C8orf34: variants seen among roughly 807,000 people sequenced by gnomAD.
The protein encoded by C8orf34 is chromosome 8 open reading frame 34.
A neutral mutation model predicts 68.3 loss-of-function variants in C8orf34; 65 were observed. The ratio of observed to expected loss-of-function variants is 0.95; its 90% CI spans 0.78 to 1.17. The LOEUF (loss-of-function observed/expected upper bound fraction) is 1.17, where lower values mean the gene tolerates loss of function less well. C8orf34 is among the 50% of genes most tolerant of loss of function. The pLI is 0.00. For synonymous variants in C8orf34, 244 were observed against 241.2 expected (o/e 1.01, Z -0.11); for missense variants, 664 against 655.4 (o/e 1.01, Z -0.14).
chr8:68,710,392 G>C (rs1329199273), intron 9 of C8orf34, among the ~76,000 whole-genome samples: 3 of 152,038 alleles, frequency 2.0e-5, no homozygotes, highest in Admixed American at 1.3e-4. Context: ...GCTGTTGAGG[G>C]GGCACAGTGG....
intron 1 of C8orf34, among the ~76,000 whole-genome samples, chr8:68,412,613 A>C (rs1393764810): frequency 6.6e-6 from 1 of 152,140 alleles, no homozygotes; most frequent in Non-Finnish European, 1.5e-5. Context: ...CAGTTTTTGC[A>C]TACAGGTAGA....
At chr8:68,751,781 G>A (rs1198665933) in intron 10 of C8orf34, among the ~76,000 whole-genome samples, 2 of 151,736 alleles carry the variant, frequency 1.3e-5, no homozygotes, top group Non-Finnish European at 1.5e-5. Flanking sequence ...ATAGACTATA[G>A]GGGTTATAAG....
chr8:68,400,594 T>C (rs981775211), intron 1 of C8orf34, among the ~76,000 whole-genome samples: 1 of 152,190 alleles, frequency 6.6e-6, no homozygotes, highest in Admixed American at 6.6e-5. Context: ...AGAATCTTGC[T>C]CTGTCATCTA....
At chr8:68,671,250 C>CA in intron 8 of C8orf34, among the ~76,000 whole-genome samples, 1 of 152,236 alleles carries the variant, frequency 6.6e-6, no homozygotes, top group African/African-American at 2.4e-5. Flanking sequence ...AATTGCTTTA[C>CA]AAAATCTGTA....
At chr8:68,548,855 C>T (rs535779194) in intron 7 of C8orf34, among the ~76,000 whole-genome samples, 1 of 151,848 alleles carries the variant, frequency 6.6e-6, no homozygotes, top group South Asian at 2.1e-4. Flanking sequence ...CAATTACATA[C>T]TGATACGTGT....
chr8:68,600,089 G>A (rs1179599162), intron 7 of C8orf34, among the ~76,000 whole-genome samples: 1 of 151,990 alleles, frequency 6.6e-6, no homozygotes, highest in Non-Finnish European at 1.5e-5. Context: ...ACAAGTATGT[G>A]GAGTAACTAG....
At chr8:68,387,319 T>C (rs892896960) in intron 1 of C8orf34, among the ~76,000 whole-genome samples, 14 of 152,066 alleles carry the variant, frequency 9.2e-5, no homozygotes, top group Non-Finnish European at 1.6e-4. Flanking sequence ...GTGACTGGGA[T>C]GTGTAAGGTA....
intron 8 of C8orf34, among the ~76,000 whole-genome samples, chr8:68,701,685 G>A (rs1338825975): frequency 6.6e-6 from 1 of 151,948 alleles, no homozygotes; most frequent in African/African-American, 2.4e-5. Flanking sequence ...AATACAGCAG[G>A]TTAAAGCAAA....
At chr8:68,534,504 T>C (rs1034139913) in intron 7 of C8orf34, 1 of 630,470 alleles carries the variant, frequency 1.6e-6, no homozygotes, top group Non-Finnish European at 2.0e-6. Flanking sequence ...CTGCGCTAAT[T>C]GGATGAAGCA....
rs61398342 is a variant in C8orf34, at chr8:68,650,057, GA to G, written c.1241+9556del. On this transcript the variant is annotated intron_variant, in intron 8 of 13. Coordinates refer to ENST00000518698, the MANE Select transcript of C8orf34 (RefSeq NM_052958.4). ...TTCAGAGAAGTCACAGTATATTTTAGAAAAAAAAAAGAAATATTAAATTGAA... is the reference window on the plus strand; with the variant it reads ...TTCAGAGAAGTCACAGTATATTTTAGAAAAAAAAAGAAATATTAAATTGAA... Among the ~76,000 whole-genome samples, 245 of 149,832 alleles carry G rather than the reference GA, an allele frequency of 1.6e-3. 1 individual carries two copies. Among genetic ancestry groups the G allele is most frequent in the African/African-American group, 5.3e-3 (218 of 40,768 alleles).
intron 4 of C8orf34, among the ~76,000 whole-genome samples, chr8:68,469,326 T>C (rs1175655203): frequency 6.6e-6 from 1 of 151,972 alleles, no homozygotes; most frequent in African/African-American, 2.4e-5. Context: ...TAGGTTATGG[T>C]TTTTCTCTGC....
chr8:68,577,098 T>G (rs1816926789), intron 7 of C8orf34, among the ~76,000 whole-genome samples: 1 of 152,038 alleles, frequency 6.6e-6, no homozygotes, highest in African/African-American at 2.4e-5. Context: ...TCAGGACGTT[T>G]ATTAGAAATA....
At chr8:68,774,487 A>G (rs1047580444) in intron 10 of C8orf34, among the ~76,000 whole-genome samples, 15 of 152,054 alleles carry the variant, frequency 9.9e-5, no homozygotes, top group African/African-American at 3.6e-4. Flanking sequence ...AGCAAATAGA[A>G]CTACCTTATC....
chr8:68,575,165 A>G (rs555260061), intron 7 of C8orf34, among the ~76,000 whole-genome samples: 2 of 152,206 alleles, frequency 1.3e-5, no homozygotes, highest in East Asian at 3.9e-4. Context: ...AAGCACAAGG[A>G]TGTCATAAGT....
intron 12 of C8orf34, among the ~76,000 whole-genome samples, chr8:68,802,942 A>G (rs2978246): frequency 0.12 from 18,123 of 152,216 alleles, 1,203 homozygotes; most frequent in Middle Eastern, 0.17. Context: ...TAGAAAATAC[A>G]ATTTACCAAA....
At chr8:68,775,009 C>T (rs550443885) in intron 10 of C8orf34, among the ~76,000 whole-genome samples, 25 of 141,040 alleles carry the variant, frequency 1.8e-4, no homozygotes, top group East Asian at 2.1e-4. Flanking sequence ...CCCAACTACT[C>T]GGGGAGGCTG....
intron 11 of C8orf34, among the ~76,000 whole-genome samples, chr8:68,780,434 A>T (rs1823642459): frequency 6.6e-6 from 1 of 152,186 alleles, no homozygotes; most frequent in Non-Finnish European, 1.5e-5. Context: ...AGGATGGCAA[A>T]ATAGTCATGT....
intron 3 of C8orf34, among the ~76,000 whole-genome samples, chr8:68,465,153 C>G (rs1470219260): frequency 6.6e-6 from 1 of 152,130 alleles, no homozygotes; most frequent in Non-Finnish European, 1.5e-5. Context: ...CATGAACCGA[C>G]ACGTCACAAA....
At chr8:68,441,136 C>T (rs931028020) in intron 2 of C8orf34, among the ~76,000 whole-genome samples, 2 of 151,044 alleles carry the variant, frequency 1.3e-5, no homozygotes, top group South Asian at 4.2e-4. Flanking sequence ...ACATTAAGTA[C>T]CTCAGTGTTT....
Sources: gnomAD v4.1 joint callset for allele counts (sites outside exome capture counted in the v4.1 genomes callset) on GRCh38, gnomAD v4.1.1 for gene constraint, MANE v1.5 for transcripts, NCBI Gene and HGNC (gene_info 2026-07-23, HGNC 2026-07-21) for gene names.